Variants in MMP2 observed in about 807,000 individuals in gnomAD.
MMP2 encodes the protein matrix metallopeptidase 2.
A neutral mutation model predicts 74.8 loss-of-function variants in MMP2; 39 were observed. The ratio of observed to expected loss-of-function variants is 0.52; its 90% CI spans 0.40 to 0.68. The LOEUF (loss-of-function observed/expected upper bound fraction) is 0.68. Ranked by LOEUF, MMP2 falls within the 30% of genes least tolerant of loss-of-function variation. The pLI, the probability that MMP2 is intolerant of heterozygous loss-of-function variation, is 0.00. For synonymous variants in MMP2, 367 were observed against 339.8 expected (o/e 1.08, Z -0.88); for missense variants, 803 against 878.3 (o/e 0.91, Z 1.08).
chr16:55,497,980 C>T (rs1208847136), intron 10 of MMP2, among the ~76,000 whole-genome samples: 2 of 152,226 alleles, frequency 1.3e-5, no homozygotes, highest in South Asian at 2.1e-4. Flanking sequence ...GCTCCTAGGG[C>T]ACCTTTTTGC....
In MMP2 at chr16:55,493,300, G is replaced by T; in HGVS notation, c.1472+7G>T. On this transcript the variant is annotated splice_region_variant and intron_variant, in intron 9 of 12. Coordinates refer to ENST00000219070, the MANE Select transcript of MMP2 (RefSeq NM_004530.6). ...TCTTCTTCTTCAAGGACCGGTGAGT[G>T]CAGGAGCTTGCTTCTTGTCCTCCTT... The T allele has an allele frequency of 6.2e-7, 1 of 1,614,100 alleles. No individual in the cohort carries two copies. Among genetic ancestry groups the T allele is most frequent in the Non-Finnish European group, 8.5e-7 (1 of 1,180,022 alleles).
chr16:55,490,252 A>G (rs1461580643), intron 7 of MMP2, among the ~76,000 whole-genome samples: 1 of 152,182 alleles, frequency 6.6e-6, no homozygotes, highest in African/African-American at 2.4e-5. Flanking sequence ...GCCTTCAAGG[A>G]GCTGGTAGGC....
intron 7 of MMP2, 76 bp downstream of exon 7, chr16:55,489,900 A>G: frequency 1.3e-6 from 2 of 1,515,392 alleles, no homozygotes; most frequent in Non-Finnish European, 1.8e-6. Context: ...AACCTTCCTG[A>G]GACCTCACCC....
intron 4 of MMP2, 75 bp from the exon 5 acceptor site, chr16:55,485,529 C>G: frequency 1.2e-6 from 2 of 1,610,318 alleles, no homozygotes; most frequent in Non-Finnish European, 1.7e-6. Context: ...AGTCACACAT[C>G]TGGGTGAGTC....
chr16:55,483,560 G>A (rs1474436048), intron 2 of MMP2, among the ~76,000 whole-genome samples: 1 of 149,760 alleles, frequency 6.7e-6, no homozygotes, highest in African/African-American at 2.5e-5. Flanking sequence ...AGCTAATTGG[G>A]TTTAGCAGCC....
Position 55,493,148 on chromosome 16 carries a change from TTCTCCCCAGGGGCC to T in MMP2, c.1337-4_1346del. 1 of 1,613,282 alleles carries T rather than the reference TTCTCCCCAGGGGCC, an allele frequency of 6.2e-7. No homozygotes were observed. Among genetic ancestry groups the T allele is most frequent in the Non-Finnish European group, 8.5e-7 (1 of 1,179,978 alleles). On this transcript the variant is annotated splice_acceptor_variant and splice_polypyrimidine_tract_variant and coding_sequence_variant and intron_variant, in exon 9 of 13. Transcript: ENST00000219070. LOFTEE classifies it high-confidence loss of function. ...GCTGCAGAGAGTCTAAGGTCAGGTG[TTCTCCCCAGGGGCC>T]TCTCCTGACATTGACCTTGGCACCG...
intron 8 of MMP2, among the ~76,000 whole-genome samples, chr16:55,492,952 T>G (rs1962447345): frequency 1.3e-5 from 2 of 152,182 alleles, no homozygotes; most frequent in Non-Finnish European, 2.9e-5. Context: ...ATTTGGGTGA[T>G]GTCAGTAAAA....
In MMP2 at chr16:55,485,358, C is replaced by T. The variant is rs1962215886; in HGVS notation, c.589C>T (p.Pro197Ser). 1 of 1,613,960 alleles carries T rather than the reference C, an allele frequency of 6.2e-7. No individual in the cohort carries two copies. Among genetic ancestry groups the T allele is most frequent in the African/African-American group, 1.3e-5 (1 of 74,868 alleles). Reference sequence around the variant, plus strand: ...CGGACTCCTGGCTCATGCCTTCGCCCCAGGCACTGGTGTTGGGGGAGACTC... The same window carrying T: ...CGGACTCCTGGCTCATGCCTTCGCCTCAGGCACTGGTGTTGGGGGAGACTC... ...KDGLLAHAFA[P>S]GTGVGGDSHF... Residue 197 changes from proline to serine, a missense_variant, in exon 4 of 13, where the codon CCA becomes TCA. Pro to Ser is a moderately conservative substitution (Grantham distance 74). Coordinates refer to ENST00000219070, the MANE Select transcript of MMP2 (RefSeq NM_004530.6).
At chr16:55,501,964 A>G (rs1219822303) in intron 11 of MMP2, among the ~76,000 whole-genome samples, 2 of 152,214 alleles carry the variant, frequency 1.3e-5, no homozygotes, top group Non-Finnish European at 2.9e-5. Context: ...CAGCATTTAA[A>G]AAGTTCTCCA....
In MMP2 at chr16:55,493,051, C is replaced by T. The variant is rs542564187; in HGVS notation, c.1337-107C>T. The T allele has an allele frequency of 5.0e-5, 70 of 1,389,828 alleles. No individual in the cohort carries two copies. The East Asian group carries it at 7.0e-4, about 14-fold the overall frequency. 86.1% of individuals were successfully genotyped at this position (1,389,828 alleles called of 1,614,324 possible). ...CGGAGCTTACACTAAGGCCAGAAGG[C>T]GATTTCTTCTGACTCTTAGATGGTT... On this transcript the variant is annotated intron_variant, in intron 8 of 12. Transcript: ENST00000219070.
chr16:55,485,921 TC>T (rs1309983155), intron 5 of MMP2, 144 bp downstream of exon 5: 28 of 790,584 alleles, frequency 3.5e-5, no homozygotes, highest in African/African-American at 2.5e-4. Context: ...TTCACTCAGT[TC>T]CCCCCCATCC....
chr16:55,485,263 G>T, intron 3 of MMP2, 36 bp from the exon 4 acceptor site: 2 of 1,613,926 alleles, frequency 1.2e-6, no homozygotes, highest in Non-Finnish European at 1.7e-6. Context: ...GGTCTAGGTG[G>T]CACAGCTAGA....
intron 5 of MMP2, 57 bp downstream of exon 5, chr16:55,485,834 C>A: frequency 1.3e-6 from 2 of 1,579,772 alleles, no homozygotes. Context: ...GCTTCCCGGG[C>A]TCCCCAGTGT....
In MMP2 at chr16:55,505,486, A is replaced by G. The variant is rs757511901; in HGVS notation, c.*44A>G. On this transcript the variant is annotated 3_prime_UTR_variant, in exon 13 of 13. Coordinates refer to ENST00000219070, the MANE Select transcript of MMP2 (RefSeq NM_004530.6). ...AGGCCCTTCCTCTCCACTGCCTTCG[A>G]TACACCGGGCCTGGAGAACTAGAGA... 1 of 1,546,528 alleles carries G rather than the reference A, an allele frequency of 6.5e-7. No individual in the cohort carries two copies. The highest frequency in any genetic ancestry group is 8.9e-7 in the Non-Finnish European group (1 of 1,119,052).
intron 6 of MMP2, 57 bp from the exon 7 acceptor site, chr16:55,489,594 C>A: frequency 6.2e-7 from 1 of 1,602,524 alleles, no homozygotes; most frequent in Non-Finnish European, 8.5e-7. Flanking sequence ...GTCATTGCTT[C>A]CTGGTGGTAG....
chr16:55,480,056 G>A (rs1410168786), intron 1 of MMP2: 2 of 181,126 alleles, frequency 1.1e-5, no homozygotes, highest in African/African-American at 4.8e-5. Context: ...AAGCGTCTAG[G>A]TAAGCCTTTG....
intron 3 of MMP2, 126 bp downstream of exon 3, chr16:55,484,290 C>A (rs1457726876): frequency 1.7e-6 from 2 of 1,171,924 alleles, no homozygotes; most frequent in South Asian, 1.4e-5. Flanking sequence ...ATGGTGTGGG[C>A]CCTGGGGGTG....
intron 11 of MMP2, among the ~76,000 whole-genome samples, chr16:55,499,521 G>T (rs1962614100): frequency 6.6e-6 from 1 of 152,140 alleles, no homozygotes; most frequent in Non-Finnish European, 1.5e-5. Context: ...GGAAGCAGAT[G>T]GTTCTGTGCT....
At position 55,482,922 on chromosome 16, in the gene MMP2, CCTT is replaced by C; in HGVS notation, c.170_172del (p.Phe57del). The C allele has an allele frequency of 1.2e-6, 2 of 1,614,140 alleles. No individual in the cohort carries two copies. Among genetic ancestry groups the C allele is most frequent in the Non-Finnish European group, 1.7e-6 (2 of 1,179,998 alleles). The stretch of plus-strand genomic sequence containing the variant: ...CATTTCTTTCAGCAATACCTGAACA[CCTT>C]CTATGGCTGCCCCAAGGAGAGCTGC... On this transcript the variant is annotated inframe_deletion, in exon 2 of 13. Coordinates refer to ENST00000219070, the MANE Select transcript of MMP2 (RefSeq NM_004530.6).
Sources: allele counts gnomAD v4.1 joint callset (sites outside exome capture counted in the v4.1 genomes callset), GRCh38; gene constraint gnomAD v4.1.1; transcripts MANE v1.5; gene names NCBI Gene and HGNC (gene_info 2026-07-23, HGNC 2026-07-21).